EPM2A: variants seen among roughly 807,000 people sequenced by gnomAD.
EPM2A encodes the protein EPM2A glucan phosphatase, laforin.
A neutral mutation model predicts 26.5 loss-of-function variants in EPM2A; 21 were observed. The ratio of observed to expected loss-of-function variants is 0.79; its 90% CI spans 0.56 to 1.14. The LOEUF (loss-of-function observed/expected upper bound fraction) is 1.14, where lower values mean the gene tolerates loss of function less well. Among genes scored for constraint, EPM2A ranks in the 50% most tolerant of loss-of-function variants. The probability of loss-of-function intolerance (pLI) is 0.00; values close to 1 mark genes in which losing one functional copy is unlikely to be tolerated. For missense variants in EPM2A, 458 were observed against 440.8 expected, an observed-to-expected ratio of 1.04 and a Z score of -0.35; for synonymous variants, 217 against 177.6, an observed-to-expected ratio of 1.22 and a Z score of -1.76.
chr6:145,684,521 C>A (rs1780770516), intron 2 of EPM2A, among the ~76,000 whole-genome samples: 1 of 152,104 alleles, frequency 6.6e-6, no homozygotes, highest in Non-Finnish European at 1.5e-5. Context: ...TTGTGTGAAC[C>A]AGGGCTCAAT....
rs1779166024 is a variant in EPM2A, at chr6:145,449,152, A to G, written c.555+53370T>C. ...CTGTGATTTATAGACTATTTACGTTAACTGGTATTATGCTGTTGACATATT... is the reference window on the plus strand; with the variant it reads ...CTGTGATTTATAGACTATTTACGTTGACTGGTATTATGCTGTTGACATATT... On this transcript the variant is annotated intron_variant, in intron 4 of 4. Coordinates refer to the EPM2A transcript ENST00000638717. Among the ~76,000 whole-genome samples, 3 of 152,324 alleles carry G rather than the reference A, an allele frequency of 2.0e-5. No individual in the cohort carries two copies. The South Asian group carries it at 6.2e-4, about 32-fold the overall frequency.
At chr6:145,671,470 T>C (rs749728968) in intron 2 of EPM2A, 4 of 758,170 alleles carry the variant, frequency 5.3e-6, no homozygotes, top group Non-Finnish European at 6.4e-6. Context: ...AAATGTGATA[T>C]AAGCCTTAGC....
chr6:145,538,217 A>C (rs945127550), intron 2 of EPM2A, among the ~76,000 whole-genome samples: 1 of 151,746 alleles, frequency 6.6e-6, no homozygotes, highest in Non-Finnish European at 1.5e-5. Flanking sequence ...TTATGCTCCC[A>C]CCAACAGTGT....
chr6:145,444,928 A>ATT (rs61536586), intron 4 of EPM2A, among the ~76,000 whole-genome samples: 318 of 150,838 alleles, frequency 2.1e-3, no homozygotes, highest in Non-Finnish European at 3.1e-3. Flanking sequence ...GAAAATTTAG[A>ATT]TTTTTTTTTT....
At chr6:145,393,678 A>C (rs1231237151) in intron 4 of EPM2A, among the ~76,000 whole-genome samples, 1 of 152,012 alleles carries the variant, frequency 6.6e-6, no homozygotes, top group Non-Finnish European at 1.5e-5. Context: ...TTATATGTCC[A>C]CCACCCCAAA....
intron 2 of EPM2A, among the ~76,000 whole-genome samples, chr6:145,684,176 T>C (rs1416324803): frequency 1.3e-5 from 2 of 151,798 alleles, no homozygotes; most frequent in African/African-American, 4.8e-5. Context: ...AAATAATCGA[T>C]AGTTGAATTG....
At chr6:145,491,002 T>C (rs1395810462) in intron 4 of EPM2A, 2 of 924,986 alleles carry the variant, frequency 2.2e-6, no homozygotes, top group South Asian at 2.5e-5. Context: ...TTCACTTCAA[T>C]TGTGCCTTCA....
intron 2 of EPM2A, among the ~76,000 whole-genome samples, chr6:145,663,456 G>A (rs2128590332): frequency 6.6e-6 from 1 of 152,356 alleles, no homozygotes; most frequent in Middle Eastern, 3.4e-3. Flanking sequence ...GGAAGCGCAA[G>A]GGGTCAGGGA....
intron 4 of EPM2A, among the ~76,000 whole-genome samples, chr6:145,470,454 A>T (rs978795213): frequency 6.6e-6 from 1 of 152,178 alleles, no homozygotes; most frequent in Non-Finnish European, 1.5e-5. Flanking sequence ...TGTTGTTGCA[A>T]ATCATTATAG....
At chr6:145,708,555 T>C (rs923207021) in intron 1 of EPM2A, among the ~76,000 whole-genome samples, 12 of 152,272 alleles carry the variant, frequency 7.9e-5, no homozygotes, top group East Asian at 1.9e-4. Flanking sequence ...AGCTCCGGTA[T>C]GGTGTTGAGC....
At chr6:145,641,678 T>C (rs1052546395) in intron 2 of EPM2A, among the ~76,000 whole-genome samples, 5 of 152,190 alleles carry the variant, frequency 3.3e-5, no homozygotes, top group Non-Finnish European at 7.3e-5. Context: ...TTGGAATTCT[T>C]GCAAATACAA....
intron 2 of EPM2A, among the ~76,000 whole-genome samples, chr6:145,572,765 A>C (rs567763891): frequency 5.9e-4 from 90 of 152,192 alleles, no homozygotes; most frequent in Non-Finnish European, 4.4e-4. Context: ...CATATGACCC[A>C]AGTGGCAGAG....
intron 2 of EPM2A, among the ~76,000 whole-genome samples, chr6:145,599,586 T>C (rs1781389959): frequency 6.6e-6 from 1 of 151,964 alleles, no homozygotes; most frequent in South Asian, 2.1e-4. Context: ...TTTGATCTTT[T>C]AAAAATATTG....
intron 4 of EPM2A, among the ~76,000 whole-genome samples, chr6:145,477,187 G>A (rs1472269122): frequency 6.6e-6 from 1 of 151,466 alleles, no homozygotes; most frequent in Non-Finnish European, 1.5e-5. Context: ...ATTGGAAAAT[G>A]GACAAAGTCT....
At chr6:145,691,340 T>G (rs749028801) in intron 1 of EPM2A, among the ~76,000 whole-genome samples, 4 of 152,146 alleles carry the variant, frequency 2.6e-5, no homozygotes, top group Non-Finnish European at 5.9e-5. Context: ...GTGTCATTTT[T>G]CAAGTGCTGT....
At chr6:145,696,471 T>C (rs1489625652) in intron 1 of EPM2A, among the ~76,000 whole-genome samples, 1 of 152,140 alleles carries the variant, frequency 6.6e-6, no homozygotes, top group Non-Finnish European at 1.5e-5. Flanking sequence ...ATGTGTTAAT[T>C]AGCTTGATTT....
At chr6:145,455,835 T>G (rs1214455122) in intron 4 of EPM2A, among the ~76,000 whole-genome samples, 1 of 152,146 alleles carries the variant, frequency 6.6e-6, no homozygotes, top group Non-Finnish European at 1.5e-5. Context: ...TCTGAAAAAT[T>G]TTTACATTGA....
intron 1 of EPM2A, among the ~76,000 whole-genome samples, chr6:145,731,987 T>C (rs1007089394): frequency 6.6e-6 from 1 of 152,172 alleles, no homozygotes; most frequent in Admixed American, 6.5e-5. Flanking sequence ...ACCAGAATAC[T>C]GTACCAAATG....
At chr6:145,470,635 G>T (rs9497314) in intron 4 of EPM2A, among the ~76,000 whole-genome samples, 17,176 of 152,028 alleles carry the variant, frequency 0.11, 2,194 homozygotes, top group African/African-American at 0.31. Flanking sequence ...TGTATGATTT[G>T]CTCTAGGACA....
Sources: allele counts gnomAD v4.1 joint callset (sites outside exome capture counted in the v4.1 genomes callset), GRCh38; gene constraint gnomAD v4.1.1; transcripts MANE v1.5; gene names NCBI Gene and HGNC (gene_info 2026-07-23, HGNC 2026-07-21).